LRP1B: variants seen among roughly 807,000 people sequenced by gnomAD.
LRP1B encodes LDL receptor related protein 1B, also known as low-density lipoprotein receptor-related protein 1B.
A neutral mutation model predicts 556.6 loss-of-function variants in LRP1B; 217 were observed. The ratio of observed to expected loss-of-function variants is 0.39; its 90% CI spans 0.35 to 0.44. The LOEUF is 0.44. Among genes scored for constraint, LRP1B ranks in the 20% least tolerant of loss-of-function variants. The pLI, the probability that LRP1B is intolerant of heterozygous loss-of-function variation, is 1.00. For missense variants in LRP1B, 5,053 were observed against 5,620.8 expected (o/e 0.90, Z 3.23); for synonymous variants, 2,047 against 1,865.8 (o/e 1.10, Z -2.50).
chr2:141,684,110 C>A (rs1454482373), intron 2 of LRP1B, among the ~76,000 whole-genome samples: 2 of 151,958 alleles, frequency 1.3e-5, no homozygotes, highest in African/African-American at 4.8e-5. Flanking sequence ...TGGGTATATA[C>A]CCAAAGGATT....
chr2:141,229,812 A>T (rs1683390625), intron 5 of LRP1B, among the ~76,000 whole-genome samples: 1 of 152,150 alleles, frequency 6.6e-6, no homozygotes, highest in South Asian at 2.1e-4. Context: ...GAGCAAGGTA[A>T]TGTTTTTTTG....
intron 3 of LRP1B, among the ~76,000 whole-genome samples, chr2:141,269,363 A>G (rs920555728): frequency 6.6e-6 from 1 of 152,212 alleles, no homozygotes; most frequent in African/African-American, 2.4e-5. Context: ...GCATAAGACT[A>G]TTTTAGAGCA....
Position 141,747,084 on chromosome 2 carries a change from T to C in LRP1B, c.205+63195A>G, listed in dbSNP as rs556668766. ...TGTCCTTGGCACAGCTGAGTCAGGC[T>C]AGAATATTACAAACGATTTTATTAA... On this transcript the variant is annotated intron_variant, in intron 2 of 90. Transcript: ENST00000389484. 4.6e-5 allele frequency among the ~76,000 whole-genome samples: 7 copies of C among 152,336 alleles called. No homozygotes were observed. The South Asian group carries it at 1.4e-3, about 32-fold the overall frequency.
intron 1 of LRP1B, among the ~76,000 whole-genome samples, chr2:141,893,924 TTTTTC>T (rs1214628954): frequency 2.6e-5 from 4 of 152,128 alleles, no homozygotes; most frequent in Admixed American, 6.6e-5. Context: ...TCTTTTTTCT[TTTTTC>T]TTTTCTTTTC....
At chr2:140,590,165 C>T (rs1682158036) in intron 43 of LRP1B, among the ~76,000 whole-genome samples, 1 of 151,200 alleles carries the variant, frequency 6.6e-6, no homozygotes, top group Non-Finnish European at 1.5e-5. Context: ...GAAATGCACA[C>T]AGGTAAAAAC....
At chr2:140,638,601 A>G (rs1002577372) in intron 41 of LRP1B, among the ~76,000 whole-genome samples, 3 of 152,196 alleles carry the variant, frequency 2.0e-5, no homozygotes, top group Non-Finnish European at 4.4e-5. Context: ...GTTTGGTTAA[A>G]TGAATGAATC....
Position 140,700,389 on chromosome 2 carries a change from A to G in LRP1B, c.6660T>C (p.Tyr2220=). Residue 2220 remains tyrosine (Y), a synonymous_variant, in exon 41 of 91, where the codon TAT becomes TAC. Transcript: ENST00000389484. ...SPIRPYENPR[Y]FKNVIALAFD... Reference sequence around the variant, plus strand: ...AAGCCAAGGCTATGACATTCTTGAAATAACGTGGATTCTCATATGGCCTTA... The same window carrying G: ...AAGCCAAGGCTATGACATTCTTGAAGTAACGTGGATTCTCATATGGCCTTA... 1 of 1,613,462 alleles carries G rather than the reference A, an allele frequency of 6.2e-7. No homozygotes were observed. The highest frequency in any genetic ancestry group is 2.2e-5 in the East Asian group (1 of 44,862).
chr2:140,504,845 T>TA (rs1192078571), intron 53 of LRP1B, among the ~76,000 whole-genome samples: 5 of 152,148 alleles, frequency 3.3e-5, no homozygotes, highest in Non-Finnish European at 5.9e-5. Context: ...AATAACCCCC[T>TA]AACTAGTTTA....
chr2:140,234,542 C>A (rs1022821230), intron 90 of LRP1B, among the ~76,000 whole-genome samples: 17 of 151,252 alleles, frequency 1.1e-4, no homozygotes, highest in Non-Finnish European at 2.1e-4. Context: ...TGTAAAGGGA[C>A]AATAACATTT....
At chr2:140,362,467 A>G (rs1486048966) in intron 72 of LRP1B, among the ~76,000 whole-genome samples, 1 of 151,704 alleles carries the variant, frequency 6.6e-6, no homozygotes, top group Non-Finnish European at 1.5e-5. Context: ...AATATTTTTA[A>G]GTCAAACACA....
rs528123262 is a variant in LRP1B, at chr2:140,262,833, G to A, written c.13247+7409C>T. ...TTTCAATATCTCCCTAGTCCTCAGT[G>A]GTAGCAGTCTGCAAGAGGAGTGGTT... On this transcript the variant is annotated intron_variant, in intron 86 of 90. Coordinates refer to ENST00000389484, the MANE Select transcript of LRP1B (RefSeq NM_018557.3). 2.0e-5 allele frequency among the ~76,000 whole-genome samples: 3 copies of A among 152,230 alleles called. No individual in the cohort carries two copies. In the East Asian group the frequency reaches 5.8e-4, roughly 30 times the overall value.
intron 2 of LRP1B, among the ~76,000 whole-genome samples, chr2:141,600,695 T>A (rs1687699609): frequency 6.6e-6 from 1 of 151,904 alleles, no homozygotes; most frequent in East Asian, 1.9e-4. Context: ...ATAAGAAAAA[T>A]TTCTTTATTC....
chr2:140,990,557 A>T (rs1400483290), intron 16 of LRP1B, among the ~76,000 whole-genome samples: 1 of 120,460 alleles, frequency 8.3e-6, no homozygotes, highest in Non-Finnish European at 1.7e-5. Context: ...ATTCTGTATT[A>T]CTTAAAAAAA....
At chr2:141,236,705 T>A (rs1309147365) in intron 5 of LRP1B, among the ~76,000 whole-genome samples, 1 of 152,188 alleles carries the variant, frequency 6.6e-6, no homozygotes, top group African/African-American at 2.4e-5. Flanking sequence ...TCTTACACAC[T>A]GCCTTCAAAT....
At chr2:140,532,118 C>T (rs932001424) in intron 47 of LRP1B, among the ~76,000 whole-genome samples, 2 of 152,058 alleles carry the variant, frequency 1.3e-5, no homozygotes, top group African/African-American at 4.8e-5. Context: ...ATTTAGATTT[C>T]CTCAAGTGCT....
chr2:140,356,046 C>T (rs1176138860), intron 75 of LRP1B, among the ~76,000 whole-genome samples: 1 of 151,776 alleles, frequency 6.6e-6, no homozygotes, highest in African/African-American at 2.4e-5. Context: ...TCCAATAGTT[C>T]CTGAACCAGG....
chr2:141,925,490 G>A (rs1032444914), intron 1 of LRP1B, among the ~76,000 whole-genome samples: 1 of 152,130 alleles, frequency 6.6e-6, no homozygotes, highest in Non-Finnish European at 1.5e-5. Context: ...TAAAGGAGAG[G>A]AATTCATAAA....
intron 21 of LRP1B, among the ~76,000 whole-genome samples, chr2:140,917,719 AT>A (rs1348098041): frequency 6.6e-6 from 1 of 152,136 alleles, no homozygotes; most frequent in African/African-American, 2.4e-5. Flanking sequence ...GGTACGAAAG[AT>A]TTTTAGAGCA....
intron 20 of LRP1B, among the ~76,000 whole-genome samples, chr2:140,930,437 G>C (rs2105270252): frequency 6.6e-6 from 1 of 151,950 alleles, no homozygotes; most frequent in Non-Finnish European, 1.5e-5. Flanking sequence ...ACTAGCAACT[G>C]TACAGTGACA....
Sources: gnomAD v4.1 joint callset for allele counts (sites outside exome capture counted in the v4.1 genomes callset) on GRCh38, gnomAD v4.1.1 for gene constraint, MANE v1.5 for transcripts, NCBI Gene and HGNC (gene_info 2026-07-23, HGNC 2026-07-21) for gene names.